CYTH1: variants seen among roughly 807,000 people sequenced by gnomAD.
CYTH1 encodes cytohesin 1.
CYTH1 carries 18 observed loss-of-function variants against 61.8 expected under a neutral mutation model. That is an observed-to-expected ratio of 0.29 (90% CI 0.20 to 0.43). The LOEUF (loss-of-function observed/expected upper bound fraction) is 0.43, where lower values mean the gene tolerates loss of function less well. Ranked by LOEUF, CYTH1 falls within the 20% of genes least tolerant of loss-of-function variation. The probability of loss-of-function intolerance (pLI) is 1.00; values close to 1 mark genes in which losing one functional copy is unlikely to be tolerated. For missense variants in CYTH1, 336 were observed against 510.5 expected (o/e 0.66, Z 3.29); for synonymous variants, 174 against 184.3 (o/e 0.94, Z 0.45).
chr17:78,763,837 G>A (rs1280518336), intron 1 of CYTH1, among the ~76,000 whole-genome samples: 2 of 152,048 alleles, frequency 1.3e-5, no homozygotes, highest in Admixed American at 6.6e-5. Flanking sequence ...TAGGCCAGGC[G>A]CAGTGGCTCA....
At chr17:78,689,223 C>T (rs1036863341) in intron 11 of CYTH1, among the ~76,000 whole-genome samples, 4 of 152,272 alleles carry the variant, frequency 2.6e-5, no homozygotes, top group East Asian at 1.9e-4. Flanking sequence ...CCACCAGAGG[C>T]AGGCTAATTG....
intron 1 of CYTH1, among the ~76,000 whole-genome samples, chr17:78,734,912 C>T (rs1323148426): frequency 6.6e-6 from 1 of 152,160 alleles, no homozygotes; most frequent in Non-Finnish European, 1.5e-5. Context: ...TGACTCTTAA[C>T]TTCTGCCCTC....
At chr17:78,757,291 T>G (rs1476936179) in intron 1 of CYTH1, among the ~76,000 whole-genome samples, 1 of 151,952 alleles carries the variant, frequency 6.6e-6, no homozygotes, top group African/African-American at 2.4e-5. Context: ...CCCTCATCCT[T>G]TGGGGGGATG....
chr17:78,680,831 C>G, intron 12 of CYTH1, 140 bp downstream of exon 12: 2 of 863,832 alleles, frequency 2.3e-6, no homozygotes, highest in Non-Finnish European at 3.7e-6. Context: ...TCATCTTTGG[C>G]TTGAACAATA....
rs545222894 is a variant in CYTH1, at chr17:78,742,919, T to C, written c.23-33187A>G. The stretch of plus-strand genomic sequence containing the variant: ...AGCCTAGCCACAGCTAAATGCACAG[T>C]GTGGATTATCATTTAAAACACACGC... On this transcript the variant is annotated intron_variant, in intron 1 of 13. Coordinates refer to ENST00000446868, the MANE Select transcript of CYTH1 (RefSeq NM_004762.6). Among the ~76,000 whole-genome samples the C allele has an allele frequency of 3.9e-5, 6 of 152,246 alleles. No homozygotes were observed. The South Asian group carries it at 1.2e-3, about 32-fold the overall frequency.
chr17:78,733,589 G>A (rs2144606739), intron 1 of CYTH1, among the ~76,000 whole-genome samples: 1 of 152,358 alleles, frequency 6.6e-6, no homozygotes, highest in Admixed American at 6.5e-5. Context: ...GAAAGTGAAG[G>A]CCAGTGGGGA....
At chr17:78,693,265 C>T (rs542114266) in intron 10 of CYTH1, among the ~76,000 whole-genome samples, 5 of 152,112 alleles carry the variant, frequency 3.3e-5, no homozygotes, top group Non-Finnish European at 7.4e-5. Context: ...CAAGCTCTGG[C>T]GGTGGTGGCT....
intron 1 of CYTH1, among the ~76,000 whole-genome samples, chr17:78,744,858 A>G (rs1402218580): frequency 6.6e-6 from 1 of 151,940 alleles, no homozygotes; most frequent in African/African-American, 2.4e-5. Context: ...AAAAAAAAAA[A>G]AAAAGAAAAC....
intron 1 of CYTH1, among the ~76,000 whole-genome samples, chr17:78,756,365 C>A (rs1005575434): frequency 6.6e-6 from 1 of 152,040 alleles, no homozygotes; most frequent in African/African-American, 2.4e-5. Context: ...CATGAGCCAC[C>A]GCGCCCAGCC....
intron 1 of CYTH1, among the ~76,000 whole-genome samples, chr17:78,754,246 C>G (rs2093391997): frequency 6.6e-6 from 1 of 152,188 alleles, no homozygotes; most frequent in Non-Finnish European, 1.5e-5. Flanking sequence ...AAAAACAAAC[C>G]CTCTTACGCA....
At chr17:78,747,145 CAAAAAAAAAAAA>C (rs56201341) in intron 1 of CYTH1, among the ~76,000 whole-genome samples, 3 of 57,834 alleles carry the variant, frequency 5.2e-5, no homozygotes, top group South Asian at 6.2e-4. Flanking sequence ...ATGGCAGCGC[CAAAAAAAAAAAA>C]AAAAAAAAAA....
At chr17:78,759,450 G>C (rs2093413858) in intron 1 of CYTH1, among the ~76,000 whole-genome samples, 1 of 152,170 alleles carries the variant, frequency 6.6e-6, no homozygotes, top group Non-Finnish European at 1.5e-5. Context: ...TGGCTGCCTA[G>C]CAACAGCTGC....
chr17:78,688,951 T>C lies in CYTH1; in HGVS notation c.891+3466A>G, dbSNP rs566771280. On this transcript the variant is annotated intron_variant, in intron 11 of 13. Coordinates refer to ENST00000446868, the MANE Select transcript of CYTH1 (RefSeq NM_004762.6). ...TTGGCGTGTTCTGCTGTCTCATCAA[T>C]GGGTCTCTCCCCCTTTTCAAAGAAG... Among the ~76,000 whole-genome samples, 160 of 152,330 alleles carry C rather than the reference T, an allele frequency of 1.1e-3. 1 individual carries two copies. The highest frequency in any genetic ancestry group is 3.7e-3 in the African/African-American group (153 of 41,564).
Position 78,700,364 on chromosome 17 carries a change from A to G in CYTH1, c.517T>C (p.Cys173Arg), listed in dbSNP as rs1339411172. ...TGGAACACGCCATTATTGCACTGACAATATCGCTGGGCAAACGCCTCCATC... is the reference window on the plus strand; with the variant it reads ...TGGAACACGCCATTATTGCACTGACGATATCGCTGGGCAAACGCCTCCATC... ...RMMEAFAQRY[C>R]QCNNGVFQST... The change falls in exon 7 of 14, where the codon TGT becomes CGT. Residue 173 changes from cysteine to arginine, a missense_variant. This residue lies in a region of CYTH1 where 125 missense variants were observed against 209.9 expected (regional missense o/e 0.60). Coordinates refer to ENST00000446868, the MANE Select transcript of CYTH1 (RefSeq NM_004762.6). This position sits in a 1 kb window ranked among gnomAD's most constrained non-coding sequence, Gnocchi z 5.1. 6.2e-7 allele frequency: 1 copy of G among 1,613,432 alleles called. No individual in the cohort carries two copies. The highest frequency in any genetic ancestry group is 8.5e-7 in the Non-Finnish European group (1 of 1,179,670).
At chr17:78,755,848 T>G (rs2093398546) in intron 1 of CYTH1, among the ~76,000 whole-genome samples, 3 of 151,356 alleles carry the variant, frequency 2.0e-5, no homozygotes, top group African/African-American at 7.3e-5. Flanking sequence ...GAGGTTGAGG[T>G]TGCAGTGAGC....
At chr17:78,745,274 C>A (rs1340784508) in intron 1 of CYTH1, among the ~76,000 whole-genome samples, 1 of 152,118 alleles carries the variant, frequency 6.6e-6, no homozygotes, top group South Asian at 2.1e-4. Flanking sequence ...GCCAACCTCA[C>A]CACAGCCCTC....
intron 1 of CYTH1, among the ~76,000 whole-genome samples, chr17:78,762,595 G>A (rs2093433257): frequency 1.3e-5 from 2 of 152,124 alleles, no homozygotes; most frequent in Admixed American, 1.3e-4. Context: ...TGGCAAAAGG[G>A]GATTAAGATT....
intron 5 of CYTH1, 150 bp downstream of exon 5, chr17:78,701,972 C>G: frequency 2.6e-6 from 2 of 772,380 alleles, no homozygotes. Flanking sequence ...CATCACTATT[C>G]CCCAGAAAAG....
chr17:78,709,100 G>C (rs896133969), intron 2 of CYTH1: 2 of 152,514 alleles, frequency 1.3e-5, no homozygotes, highest in African/African-American at 2.4e-5. Flanking sequence ...TGGAAAAATT[G>C]TAATTGTAAA....
Sources: allele counts gnomAD v4.1 joint callset (sites outside exome capture counted in the v4.1 genomes callset), GRCh38; gene constraint gnomAD v4.1.1; regional missense constraint gnomAD v4.1.1; non-coding constraint Gnocchi (gnomAD v3.1); transcripts MANE v1.5; gene names NCBI Gene and HGNC (gene_info 2026-07-23, HGNC 2026-07-21).